The following DUSP19 variants were observed in gnomAD, a reference collection of about 807,000 sequenced individuals.
The protein encoded by DUSP19 is dual specificity protein phosphatase 19.
Under a neutral mutation model 16.6 loss-of-function variants are expected in DUSP19, and 14 were observed. The ratio of observed to expected loss-of-function variants is 0.84; its 90% CI spans 0.56 to 1.32. The LOEUF (loss-of-function observed/expected upper bound fraction) is 1.32. Among genes scored for constraint, DUSP19 ranks in the 40% most tolerant of loss-of-function variants. The probability of loss-of-function intolerance (pLI) is 0.00; values close to 1 mark genes in which losing one functional copy is unlikely to be tolerated. For missense variants in DUSP19, 258 were observed against 255.9 expected, an observed-to-expected ratio of 1.01 and a Z score of -0.06; for synonymous variants, 81 against 90.5, an observed-to-expected ratio of 0.90 and a Z score of 0.59.
Position 183,097,516 on chromosome 2 carries a change from G to A in DUSP19, c.*1858G>A, listed in dbSNP as rs148055228. ...ATGCTGTCATGAGCAAAAAGTAGAAGTGATAAATGCAAGTTATGTTTTGAG... is the reference window on the plus strand; with the variant it reads ...ATGCTGTCATGAGCAAAAAGTAGAAATGATAAATGCAAGTTATGTTTTGAG... On this transcript the variant is annotated 3_prime_UTR_variant, in exon 4 of 4. Coordinates refer to ENST00000354221, the MANE Select transcript of DUSP19 (RefSeq NM_080876.4). 2.0e-5 allele frequency: 3 copies of A among 152,314 alleles called. No homozygotes were observed. The East Asian group carries it at 5.8e-4, about 29-fold the overall frequency. 9.4% of individuals were successfully genotyped at this position (152,314 alleles called of 1,614,324 possible). A position where few individuals can be genotyped will look rare whatever the true frequency, so the allele number is the denominator to read the frequency against.
intron 3 of DUSP19, among the ~76,000 whole-genome samples, chr2:183,092,698 A>G (rs937878800): frequency 1.0e-4 from 14 of 139,942 alleles, no homozygotes; most frequent in Admixed American, 5.9e-4. Context: ...CTTCTGCCCA[A>G]GTTTTTTTTT....
chr2:183,094,322 G>C (rs1699769811), intron 3 of DUSP19, among the ~76,000 whole-genome samples: 1 of 152,124 alleles, frequency 6.6e-6, no homozygotes, highest in South Asian at 2.1e-4. Flanking sequence ...CATAACAATA[G>C]TATTGTTAAT....
chr2:183,090,037 G>C (rs1018412621), intron 3 of DUSP19, among the ~76,000 whole-genome samples: 14 of 152,104 alleles, frequency 9.2e-5, no homozygotes, highest in African/African-American at 3.1e-4. Flanking sequence ...GCCTCCCAAA[G>C]TGCTGGGATT....
rs529480201 is a variant in DUSP19 at position 183,087,353 on chromosome 2, C to T, written c.426+161C>T. On this transcript the variant is annotated intron_variant, in intron 3 of 3. Transcript: ENST00000354221. ...TTTCCTACAATTATTTGGTTAATTG[C>T]TCTTTTTTCAATGAGATGTTTAGTT... Among the ~76,000 whole-genome samples, 37 of 152,306 alleles carry T rather than the reference C, an allele frequency of 2.4e-4. No individual in the cohort carries two copies. In the South Asian group the frequency reaches 3.9e-3, roughly 16 times the overall value.
intron 1 of DUSP19, among the ~76,000 whole-genome samples, chr2:183,081,281 A>G (rs187209983): frequency 1.2e-3 from 182 of 152,260 alleles, no homozygotes; most frequent in Non-Finnish European, 1.6e-3. Flanking sequence ...GGGTCTCAAA[A>G]TAAATCCAGG....
At position 183,079,470 on chromosome 2, in the gene DUSP19, A is replaced by C. The variant is rs77269613; in HGVS notation, c.226+311A>C. On this transcript the variant is annotated intron_variant, in intron 1 of 3. Transcript: ENST00000354221. ...TGATGTTGTGTTTTCTTGGCTTATAAAAAATACAGCTTGAAAAAAAAGGAA... is the reference window on the plus strand; with the variant it reads ...TGATGTTGTGTTTTCTTGGCTTATACAAAATACAGCTTGAAAAAAAAGGAA... 1.0e-2 allele frequency among the ~76,000 whole-genome samples: 1,518 copies of C among 152,208 alleles called. 26 individuals are homozygous for C. The highest frequency in any genetic ancestry group is 0.035 in the African/African-American group (1,438 of 41,492).
Position 183,091,260 on chromosome 2 carries a change from C to T in DUSP19, c.426+4068C>T, listed in dbSNP as rs977296725. On this transcript the variant is annotated intron_variant, in intron 3 of 3. Transcript: ENST00000354221. ...ACGAAGTTTTTAGATGCTTCTGTTACAAGTAGAGGGTCATGACTGCAAGTT... is the reference window on the plus strand; with the variant it reads ...ACGAAGTTTTTAGATGCTTCTGTTATAAGTAGAGGGTCATGACTGCAAGTT... Among the ~76,000 whole-genome samples the T allele has an allele frequency of 3.3e-5, 5 of 152,148 alleles. No individual in the cohort carries two copies. In the East Asian group the frequency reaches 9.7e-4, roughly 29 times the overall value.
At chr2:183,086,678 CTGGGT>C (rs1470973134) in intron 2 of DUSP19, among the ~76,000 whole-genome samples, 1 of 136,848 alleles carries the variant, frequency 7.3e-6, no homozygotes, top group Non-Finnish European at 1.6e-5. Flanking sequence ...AAAAAATTAG[CTGGGT>C]GTGGTGGTAC....
chr2:183,080,367 G>T (rs1467583495), intron 1 of DUSP19, among the ~76,000 whole-genome samples: 1 of 152,182 alleles, frequency 6.6e-6, no homozygotes, highest in African/African-American at 2.4e-5. Context: ...AATATTATAT[G>T]AATTGTTACA....
intron 1 of DUSP19, among the ~76,000 whole-genome samples, chr2:183,082,689 G>A (rs989484376): frequency 1.3e-5 from 2 of 152,006 alleles, no homozygotes; most frequent in Admixed American, 6.6e-5. Flanking sequence ...CTCCCAAAGT[G>A]CTGGGATTAC....
chr2:183,094,992 G>A (rs1411214394), intron 3 of DUSP19, among the ~76,000 whole-genome samples: 1 of 151,758 alleles, frequency 6.6e-6, no homozygotes, highest in Admixed American at 6.6e-5. Flanking sequence ...TAGGTTTTAT[G>A]TGTACTTTAC....
chr2:183,087,489 G>A (rs138356316), intron 3 of DUSP19, among the ~76,000 whole-genome samples: 2 of 152,138 alleles, frequency 1.3e-5, no homozygotes, highest in African/African-American at 2.4e-5. Context: ...GTGAAACTAT[G>A]CATTTTTAGC....
rs151283384 is a variant in DUSP19 at position 183,080,734 on chromosome 2, A to G, written c.226+1575A>G. Among the ~76,000 whole-genome samples the G allele has an allele frequency of 8.7e-3, 1,326 of 152,342 alleles. 10 individuals carry two copies. Among genetic ancestry groups the G allele is most frequent in the Non-Finnish European group, 0.014 (933 of 68,026 alleles). On this transcript the variant is annotated intron_variant, in intron 1 of 3. Transcript: ENST00000354221. ...TGAGATTGGGGTTGGAAACCTCCCC[A>G]GGATAGTGGGAGAGTCCTGGGAGGA... is the stretch of plus-strand genomic sequence containing the variant.
intron 1 of DUSP19, among the ~76,000 whole-genome samples, chr2:183,081,576 A>T (rs140493190): frequency 6.6e-6 from 1 of 152,050 alleles, no homozygotes; most frequent in African/African-American, 2.4e-5. Context: ...ATTTGAACCT[A>T]TTTTTTCCTC....
At chr2:183,088,584 G>A (rs1335132460) in intron 3 of DUSP19, among the ~76,000 whole-genome samples, 1 of 151,332 alleles carries the variant, frequency 6.6e-6, no homozygotes, top group East Asian at 1.9e-4. Context: ...TGCCACACCC[G>A]GGTAATTTTT....
chr2:183,082,789 CCT>C (rs1699609044), intron 1 of DUSP19, among the ~76,000 whole-genome samples: 1 of 151,426 alleles, frequency 6.6e-6, no homozygotes, highest in South Asian at 2.1e-4. Flanking sequence ...TCTCTCTCTC[CCT>C]CTCTTTCCCT....
chr2:183,095,344 C>T, intron 3 of DUSP19, 87 bp from the exon 4 acceptor site: 2 of 1,041,254 alleles, frequency 1.9e-6, no homozygotes, highest in Admixed American at 2.4e-5. Flanking sequence ...TTACTTTATA[C>T]TTTCAAGTAG....
At position 183,097,829 on chromosome 2, in the gene DUSP19, A is replaced by T. The variant is rs1476708228; in HGVS notation, c.*2171A>T. ...CCATTAAATGTCACATGAAGCCTTG[A>T]TAGAATTTGTTCATAATGGCTCATG... On this transcript the variant is annotated 3_prime_UTR_variant, in exon 4 of 4. Transcript: ENST00000354221. The T allele has an allele frequency of 6.6e-6, 1 of 152,192 alleles. No individual in the cohort carries two copies. The highest frequency in any genetic ancestry group is 1.5e-5 in the Non-Finnish European group (1 of 68,028). The allele number at this position is 152,192 out of a possible 1,614,324, so 9.4% of individuals were successfully genotyped here. A position where few individuals can be genotyped will look rare whatever the true frequency, so the allele number is the denominator to read the frequency against.
rs1699827829 is a variant in DUSP19, at chr2:183,098,123, G to A, written c.*2465G>A. The A allele has an allele frequency of 6.6e-6, 1 of 152,140 alleles. No individual in the cohort carries two copies. The highest frequency in any genetic ancestry group is 2.4e-5 in the African/African-American group (1 of 41,418). The allele number at this position is 152,140 out of a possible 1,614,324, so 9.4% of individuals were successfully genotyped here. On this transcript the variant is annotated 3_prime_UTR_variant, in exon 4 of 4. Coordinates refer to ENST00000354221, the MANE Select transcript of DUSP19 (RefSeq NM_080876.4). ...TTGGTCAGGCTGGTCTCGAACTCCT[G>A]ACCGCAAGTGATCCACACGCCTTGG... is the stretch of plus-strand genomic sequence containing the variant.
Sources: gnomAD v4.1 joint callset for allele counts (sites outside exome capture counted in the v4.1 genomes callset) on GRCh38, gnomAD v4.1.1 for gene constraint, MANE v1.5 for transcripts, NCBI Gene and HGNC (gene_info 2026-07-23, HGNC 2026-07-21) for gene names.